The following FAT3 variants were observed in gnomAD, a reference collection of about 807,000 sequenced individuals.
FAT3 encodes FAT atypical cadherin 3.
A neutral mutation model predicts 310.2 loss-of-function variants in FAT3; 95 were observed. The observed-to-expected ratio is 0.31, with a 90% confidence interval of 0.26 to 0.36. The LOEUF is 0.36. Ranked by LOEUF, FAT3 falls within the 10% of genes least tolerant of loss-of-function variation. The pLI, the probability that FAT3 is intolerant of heterozygous loss-of-function variation, is 1.00. For missense variants in FAT3, 5,408 were observed against 5,715.6 expected (o/e 0.95, Z 1.74); for synonymous variants, 2,314 against 2,192.9 (o/e 1.06, Z -1.54).
At chr11:92,853,328 T>C (rs536581601) in intron 19 of FAT3, among the ~76,000 whole-genome samples, 10 of 152,330 alleles carry the variant, frequency 6.6e-5, no homozygotes, top group African/African-American at 2.2e-4. Flanking sequence ...TGCAGGCACT[T>C]GCATCCGGAC....
intron 1 of FAT3, among the ~76,000 whole-genome samples, chr11:92,258,806 A>G (rs1591018225): frequency 6.6e-6 from 1 of 151,978 alleles, no homozygotes; most frequent in East Asian, 1.9e-4. Flanking sequence ...GAGGCTGGTG[A>G]GTTAGGAAGA....
At chr11:92,764,776 G>A (rs1236230751) in intron 5 of FAT3, 103 bp from the exon 6 acceptor site, 4 of 1,041,434 alleles carry the variant, frequency 3.8e-6, no homozygotes, top group Admixed American at 4.8e-5. Context: ...TGCTGACACT[G>A]TGTTGAAGAT....
At position 92,475,554 on chromosome 11, in the gene FAT3, T is replaced by C. The variant is rs149547874; in HGVS notation, c.3293-49080T>C. On this transcript the variant is annotated intron_variant, in intron 2 of 27. Transcript: ENST00000525166. ...CAAAGCCTTGAAACTCTCACTCTTA[T>C]GTATGGAAGGCTTCAGTTTCTAACA... Among the ~76,000 whole-genome samples the C allele has an allele frequency of 1.9e-3, 289 of 152,120 alleles. 2 individuals carry two copies. The highest frequency in any genetic ancestry group is 6.5e-3 in the African/African-American group (269 of 41,514).
At chr11:92,326,294 C>G (rs941542961) in intron 1 of FAT3, among the ~76,000 whole-genome samples, 2 of 152,110 alleles carry the variant, frequency 1.3e-5, no homozygotes, top group Non-Finnish European at 2.9e-5. Flanking sequence ...TCAGCAATAC[C>G]AGGGTAATGA....
chr11:92,225,033 C>G lies in FAT3; in HGVS notation c.-159C>G, dbSNP rs1437204025. Reference sequence around the variant, plus strand: ...CGCAGAGCGCTTCTGCTCGCGGCCTCAGTCCCGGCTAGCGCGCGGTGGGCG... The same window carrying G: ...CGCAGAGCGCTTCTGCTCGCGGCCTGAGTCCCGGCTAGCGCGCGGTGGGCG... On this transcript the variant is annotated 5_prime_UTR_variant, in exon 1 of 28. Coordinates refer to ENST00000525166, the MANE Select transcript of FAT3 (RefSeq NM_001367949.2). 6.6e-6 allele frequency among the ~76,000 whole-genome samples: 1 copy of G among 152,126 alleles called. No individual in the cohort carries two copies. The highest frequency in any genetic ancestry group is 1.5e-5 in the Non-Finnish European group (1 of 68,006).
chr11:92,831,656 C>T lies in FAT3; in HGVS notation c.9516C>T (p.Asp3172=), dbSNP rs770438319. The T allele has an allele frequency of 6.2e-7, 1 of 1,613,262 alleles. No individual in the cohort carries two copies. The highest frequency in any genetic ancestry group is 1.1e-5 in the South Asian group (1 of 90,868). Residue 3172 remains aspartate, a synonymous_variant, in exon 14 of 28, where the codon GAC becomes GAT. Transcript: ENST00000525166. ...GGAAGGTCGTGTACTCCCTGGCAGA[C>T]TCAGCTGGTGGGGTCTTCTCCATTG... ...INRKVVYSLA[D]SAGGVFSIDS... is the part of the protein sequence containing the mutation.
chr11:92,365,134 G>T (rs771691912), intron 2 of FAT3, among the ~76,000 whole-genome samples: 1 of 152,128 alleles, frequency 6.6e-6, no homozygotes. Flanking sequence ...GCTGGGCATG[G>T]TGGCATGCAC....
chr11:92,888,130 A>G (rs1949837684), intron 25 of FAT3, among the ~76,000 whole-genome samples: 1 of 152,214 alleles, frequency 6.6e-6, no homozygotes. Flanking sequence ...ATGGAAGTAA[A>G]AGAGCCTATT....
intron 12 of FAT3, among the ~76,000 whole-genome samples, chr11:92,808,213 A>G (rs1018412752): frequency 2.0e-5 from 3 of 152,262 alleles, no homozygotes; most frequent in Non-Finnish European, 4.4e-5. Flanking sequence ...GTAATCCAGT[A>G]GGGAAGACAG....
At position 92,737,573 on chromosome 11, in the gene FAT3, C is replaced by T. The variant is rs142879126; in HGVS notation, c.3670-24283C>T. 5.6e-3 allele frequency among the ~76,000 whole-genome samples: 845 copies of T among 151,604 alleles called. 31 individuals carry two copies. The highest frequency in any genetic ancestry group is 0.041 in the Admixed American group (630 of 15,192). On this transcript the variant is annotated intron_variant, in intron 4 of 27. Coordinates refer to ENST00000525166, the MANE Select transcript of FAT3 (RefSeq NM_001367949.2). ...AGAGAGAGAGAGAGGAATGTTTATT[C>T]ATAAAGAAACACACAATAAAGTCAT...
chr11:92,814,998 A>G (rs1947785899), intron 13 of FAT3, among the ~76,000 whole-genome samples: 1 of 152,212 alleles, frequency 6.6e-6, no homozygotes, highest in Admixed American at 6.5e-5. Context: ...TTGAGAGAAC[A>G]TCATGTAGTC....
At chr11:92,742,810 T>A (rs1195866627) in intron 4 of FAT3, among the ~76,000 whole-genome samples, 1 of 152,214 alleles carries the variant, frequency 6.6e-6, no homozygotes, top group Non-Finnish European at 1.5e-5. Flanking sequence ...TATTCTGTTA[T>A]AGCAACACAA....
intron 3 of FAT3, among the ~76,000 whole-genome samples, chr11:92,649,886 T>C (rs1202850689): frequency 3.3e-4 from 19 of 58,258 alleles, no homozygotes; most frequent in East Asian, 6.2e-4. Context: ...TATATATATA[T>C]ATATATATAT....
chr11:92,301,273 A>T (rs1946990556), intron 1 of FAT3, among the ~76,000 whole-genome samples: 1 of 152,154 alleles, frequency 6.6e-6, no homozygotes, highest in Admixed American at 6.6e-5. Flanking sequence ...AAGGACATAC[A>T]GTTGAAGGAA....
chr11:92,659,139 C>T (rs998840271), intron 3 of FAT3, among the ~76,000 whole-genome samples: 7 of 152,054 alleles, frequency 4.6e-5, no homozygotes, highest in African/African-American at 1.7e-4. Flanking sequence ...TGTAACCTTG[C>T]CAGAGGGAAG....
chr11:92,414,870 C>T (rs1028413918), intron 2 of FAT3, among the ~76,000 whole-genome samples: 6 of 152,012 alleles, frequency 3.9e-5, no homozygotes. Flanking sequence ...GTTAGCCGGG[C>T]TTGGTGGCAG....
chr11:92,563,247 G>C lies in FAT3; in HGVS notation c.3607+38299G>C, dbSNP rs528948544. ...TATCTGAACATAAAAATAATTCTCT[G>C]TGCATAATATGGACTATATATATAA... On this transcript the variant is annotated intron_variant, in intron 3 of 27. Coordinates refer to ENST00000525166, the MANE Select transcript of FAT3 (RefSeq NM_001367949.2). Among the ~76,000 whole-genome samples the C allele has an allele frequency of 9.6e-5, 12 of 125,422 alleles. No individual in the cohort carries two copies. In the South Asian group the frequency reaches 4.2e-3, roughly 44 times the overall value. The allele number at this position is 125,422 out of a possible 152,430, so 82.3% of individuals were successfully genotyped here.
chr11:92,336,785 G>A (rs1591128240), intron 1 of FAT3, among the ~76,000 whole-genome samples: 1 of 152,180 alleles, frequency 6.6e-6, no homozygotes, highest in African/African-American at 2.4e-5. Context: ...GTAGTGAAAT[G>A]TTGAATCCAA....
intron 3 of FAT3, among the ~76,000 whole-genome samples, chr11:92,624,307 T>C (rs1941224782): frequency 6.6e-6 from 1 of 152,068 alleles, no homozygotes; most frequent in African/African-American, 2.4e-5. Context: ...CAGAGATGGG[T>C]GATGTCTGAC....
Sources: gnomAD v4.1 joint callset for allele counts (sites outside exome capture counted in the v4.1 genomes callset) on GRCh38, gnomAD v4.1.1 for gene constraint, MANE v1.5 for transcripts, NCBI Gene and HGNC (gene_info 2026-07-23, HGNC 2026-07-21) for gene names.